Variants in OSBPL9 observed in about 807,000 individuals in gnomAD.
The protein encoded by OSBPL9 is oxysterol-binding protein-related protein 9.
Under a neutral mutation model 106.6 loss-of-function variants are expected in OSBPL9, and 40 were observed. That is an observed-to-expected ratio of 0.38 (90% CI 0.29 to 0.49). The LOEUF is 0.49. Among genes scored for constraint, OSBPL9 ranks in the 20% least tolerant of loss-of-function variants. OSBPL9 has a pLI of 0.97. For missense variants in OSBPL9, 609 were observed against 887.2 expected, an observed-to-expected ratio of 0.69 and a Z score of 3.98; for synonymous variants, 269 against 295.4, an observed-to-expected ratio of 0.91 and a Z score of 0.92.
intron 9 of OSBPL9, 137 bp from the exon 10 acceptor site, chr1:51,760,553 A>C: frequency 2.6e-6 from 3 of 1,165,112 alleles, no homozygotes; most frequent in Non-Finnish European, 3.6e-6. Flanking sequence ...AAGGTGTTTC[A>C]TTCCCTCTTT....
the OSBPL9 span, among the ~76,000 whole-genome samples, chr1:51,522,949 T>G: frequency 6.6e-6 from 1 of 152,054 alleles, no homozygotes; most frequent in African/African-American, 2.4e-5. Context: ...TTGACAGATA[T>G]ATTAGTTACA....
chr1:51,527,126 A>G, the OSBPL9 span, among the ~76,000 whole-genome samples: 5 of 152,186 alleles, frequency 3.3e-5, no homozygotes, highest in African/African-American at 7.2e-5. Flanking sequence ...TTTGGAATCA[A>G]ATTTGACATT....
At chr1:51,706,395 T>C (rs1163917339) in intron 3 of OSBPL9, among the ~76,000 whole-genome samples, 2 of 152,124 alleles carry the variant, frequency 1.3e-5, no homozygotes, top group Admixed American at 6.5e-5. Flanking sequence ...GAGTTATGAG[T>C]ATGTGCATCA....
At chr1:51,682,721 C>CA (rs1652847272) in intron 3 of OSBPL9, among the ~76,000 whole-genome samples, 3 of 151,970 alleles carry the variant, frequency 2.0e-5, no homozygotes, top group Non-Finnish European at 1.5e-5. Context: ...CACACCATTG[C>CA]ACTCCAGCCT....
chr1:51,697,837 T>C (rs1298683201), intron 3 of OSBPL9, among the ~76,000 whole-genome samples: 1 of 150,832 alleles, frequency 6.6e-6, no homozygotes, highest in East Asian at 1.9e-4. Context: ...GCACCTTATA[T>C]TGTTTCCATA....
intron 13 of OSBPL9, 98 bp from the exon 14 acceptor site, chr1:51,772,507 C>T (rs1331895759): frequency 1.2e-5 from 12 of 992,176 alleles, no homozygotes; most frequent in African/African-American, 3.2e-5. Context: ...AAGAATGAGA[C>T]TCCATCTCAA....
At chr1:51,642,546 T>A (rs1258343967) in intron 1 of OSBPL9, among the ~76,000 whole-genome samples, 1 of 152,168 alleles carries the variant, frequency 6.6e-6, no homozygotes, top group Non-Finnish European at 1.5e-5. Flanking sequence ...AGCCAGACAC[T>A]CTGTAGGTGG....
intron 2 of OSBPL9, among the ~76,000 whole-genome samples, chr1:51,660,663 A>G (rs1354445280): frequency 6.6e-6 from 1 of 152,232 alleles, no homozygotes; most frequent in African/African-American, 2.4e-5. Flanking sequence ...TACTTGTTGA[A>G]TCAATGAATG....
In OSBPL9 at chr1:51,680,267, T is replaced by A. The variant is rs563847407; in HGVS notation, c.241+10755T>A. Among the ~76,000 whole-genome samples the A allele has an allele frequency of 2.4e-4, 35 of 148,846 alleles. No homozygotes were observed. In the South Asian group the frequency reaches 5.3e-3, roughly 23 times the overall value. On this transcript the variant is annotated intron_variant, in intron 3 of 23. Transcript: ENST00000428468. Reference sequence around the variant, plus strand: ...GAGAGACCATCTTAAAAAAAAAAAATTTTGAGTCATTCTGTATAAATAGGT... The same window carrying A: ...GAGAGACCATCTTAAAAAAAAAAAAATTTGAGTCATTCTGTATAAATAGGT...
intron 1 of OSBPL9, among the ~76,000 whole-genome samples, chr1:51,585,304 C>G (rs1645241372): frequency 6.6e-6 from 1 of 152,086 alleles, no homozygotes; most frequent in Non-Finnish European, 1.5e-5. Flanking sequence ...CACTCAGCAG[C>G]TATGTGACCT....
At chr1:51,640,059 T>C (rs544421845) in intron 1 of OSBPL9, among the ~76,000 whole-genome samples, 3 of 152,166 alleles carry the variant, frequency 2.0e-5, no homozygotes, top group Non-Finnish European at 4.4e-5. Context: ...CTCAAATTCC[T>C]GAGCTCAAGC....
intron 1 of OSBPL9, among the ~76,000 whole-genome samples, chr1:51,647,754 T>C (rs933128369): frequency 3.9e-5 from 6 of 152,176 alleles, no homozygotes; most frequent in African/African-American, 1.4e-4. Context: ...ATTTTAGTAC[T>C]TTGAATCCCC....
chr1:51,685,179 G>A (rs557036311), intron 3 of OSBPL9, among the ~76,000 whole-genome samples: 14 of 152,040 alleles, frequency 9.2e-5, no homozygotes, highest in Non-Finnish European at 1.8e-4. Flanking sequence ...AGTATAAAGG[G>A]TGAGCAAAGC....
chr1:51,591,140 A>G (rs914265026), intron 1 of OSBPL9, among the ~76,000 whole-genome samples: 2 of 151,148 alleles, frequency 1.3e-5, no homozygotes, highest in Non-Finnish European at 2.9e-5. Flanking sequence ...GGATGATCTC[A>G]ATCTCCTGAC....
intron 1 of OSBPL9, among the ~76,000 whole-genome samples, chr1:51,581,698 C>A (rs529060134): frequency 1.1e-4 from 16 of 152,158 alleles, no homozygotes; most frequent in Non-Finnish European, 1.9e-4. Context: ...CCCTGTCACC[C>A]AGGCTGGAGT....
At chr1:51,650,907 GAC>G (rs1212332245) in intron 1 of OSBPL9, among the ~76,000 whole-genome samples, 1 of 152,184 alleles carries the variant, frequency 6.6e-6, no homozygotes, top group Non-Finnish European at 1.5e-5. Flanking sequence ...TTTAGTAAGA[GAC>G]ACAGAAAGGC....
chr1:51,602,982 C>T (rs1471819213), intron 2 of OSBPL9, among the ~76,000 whole-genome samples: 1 of 152,102 alleles, frequency 6.6e-6, no homozygotes, highest in East Asian at 1.9e-4. Context: ...ATGGTGAAAC[C>T]CTTTCTTGGC....
chr1:51,602,408 A>AT (rs1401281572), intron 2 of OSBPL9, among the ~76,000 whole-genome samples: 53 of 132,712 alleles, frequency 4.0e-4, no homozygotes, highest in African/African-American at 5.8e-4. Flanking sequence ...TTCATGAAAC[A>AT]TTTTTTTTTA....
intron 2 of OSBPL9, among the ~76,000 whole-genome samples, chr1:51,655,589 A>G (rs1646770650): frequency 6.6e-6 from 1 of 152,180 alleles, no homozygotes; most frequent in East Asian, 1.9e-4. Context: ...CTGCGATATC[A>G]TATTCATGGT....
Sources: allele counts gnomAD v4.1 joint callset (sites outside exome capture counted in the v4.1 genomes callset), GRCh38; gene constraint gnomAD v4.1.1; transcripts MANE v1.5; gene names NCBI Gene and HGNC (gene_info 2026-07-23, HGNC 2026-07-21).